The following ANXA11 variants were observed in gnomAD, a reference collection of about 807,000 sequenced individuals.
ANXA11 encodes 56 kDa autoantigen.
A neutral mutation model predicts 64.7 loss-of-function variants in ANXA11; 57 were observed. The observed-to-expected ratio is 0.88, with a 90% confidence interval of 0.71 to 1.10. The LOEUF (loss-of-function observed/expected upper bound fraction) is 1.10, where lower values mean the gene tolerates loss of function less well. Among genes scored for constraint, ANXA11 ranks in the 50% least tolerant of loss-of-function variants. The pLI, the probability that ANXA11 is intolerant of heterozygous loss-of-function variation, is 0.00. For synonymous variants in ANXA11, 260 were observed against 265.2 expected (o/e 0.98, Z 0.19); for missense variants, 675 against 670.7 (o/e 1.01, Z -0.07).
At chr10:80,164,607 T>C (rs1378577742) in intron 8 of ANXA11, among the ~76,000 whole-genome samples, 1 of 151,944 alleles carries the variant, frequency 6.6e-6, no homozygotes, top group African/African-American at 2.4e-5. Flanking sequence ...TAGGAAAAGG[T>C]AGGAACAACA....
At position 80,170,882 on chromosome 10, in the gene ANXA11, G is replaced by C. The variant is rs758548370; in HGVS notation, c.89C>G (p.Pro30Arg). The C allele has an allele frequency of 2.3e-4, 361 of 1,571,844 alleles. No individual in the cohort carries two copies. Among genetic ancestry groups the C allele is most frequent in the Non-Finnish European group, 2.7e-4 (318 of 1,160,450 alleles). The change falls in exon 4 of 16, where the codon CCT (proline) becomes CGT (arginine). Residue 30 changes from proline to arginine, a missense_variant. Coordinates refer to ENST00000422982, the MANE Select transcript of ANXA11 (RefSeq NM_145868.2). ...GGPWGGAAYPPPPSMPPIGLD... is the reference protein window; with the variant it reads ...GGPWGGAAYPRPPSMPPIGLD... ...CCCGATGGGGGGCATGCTGGGCGGA[G>C]GAGGGTAGGCAGCACCTCCCCAGGG...
At position 80,180,647 on chromosome 10, in the gene ANXA11, T is replaced by G. The variant is rs538224693; in HGVS notation, c.-57-4492A>C. On this transcript the variant is annotated intron_variant, in intron 1 of 15. Transcript: ENST00000422982. Reference sequence around the variant, plus strand: ...TGGAATATTGATTTGTATATTAGTTTTTTTTTTTTTTAACATTAGATCCTT... The same window carrying G: ...TGGAATATTGATTTGTATATTAGTTGTTTTTTTTTTTAACATTAGATCCTT... Among the ~76,000 whole-genome samples, 789 of 151,106 alleles carry G rather than the reference T, an allele frequency of 5.2e-3. 8 individuals are homozygous for G. Among genetic ancestry groups the G allele is most frequent in the African/African-American group, 0.018 (762 of 41,256 alleles).
At chr10:80,161,842 AG>A in intron 12 of ANXA11, 92 bp downstream of exon 12, 2 of 1,114,104 alleles carry the variant, frequency 1.8e-6, no homozygotes, top group Admixed American at 1.8e-5. Flanking sequence ...CCACGCAGGG[AG>A]GAACGACCAA....
rs563255503 is a variant in ANXA11, at chr10:80,197,508, A to G, written c.-58+7835T>C. Among the ~76,000 whole-genome samples the G allele has an allele frequency of 3.5e-4, 53 of 152,238 alleles. 1 individual carries two copies. The highest frequency in any genetic ancestry group is 3.1e-3 in the Admixed American group (47 of 15,296). On this transcript the variant is annotated intron_variant, in intron 1 of 15. Coordinates refer to ENST00000422982, the MANE Select transcript of ANXA11 (RefSeq NM_145868.2). ...AGGATATTACCAGCCACGGAGACCG[A>G]ACATCACCCCCACCTCAGTTCAGGG...
At chr10:80,193,563 G>A (rs978847636) in intron 1 of ANXA11, among the ~76,000 whole-genome samples, 3 of 152,026 alleles carry the variant, frequency 2.0e-5, no homozygotes, top group African/African-American at 7.2e-5. Flanking sequence ...CATTACTTCT[G>A]CCAGGCGCAA....
chr10:80,177,093 C>G (rs113464354), intron 1 of ANXA11, among the ~76,000 whole-genome samples: 2,326 of 151,946 alleles, frequency 0.015, 60 homozygotes, highest in African/African-American at 0.053. Flanking sequence ...AATTCTCCTG[C>G]CCTAGCCTCC....
chr10:80,159,282 G>T, intron 12 of ANXA11, 87 bp from the exon 13 acceptor site: 1 of 1,017,270 alleles, frequency 9.8e-7, no homozygotes, highest in Non-Finnish European at 1.5e-6. Context: ...CAGGACTTCA[G>T]AATATAACCG....
In ANXA11 at chr10:80,185,967, ATACTTCATTAAAGG is replaced by A. The variant is rs543749410; in HGVS notation, c.-57-9826_-57-9813del. Among the ~76,000 whole-genome samples, 639 of 152,310 alleles carry A rather than the reference ATACTTCATTAAAGG, an allele frequency of 4.2e-3. 3 individuals carry two copies. The highest frequency in any genetic ancestry group is 0.015 in the African/African-American group (603 of 41,556). ...GTTTCACTGTATGAAACTTCATTAC[ATACTTCATTAAAGG>A]TACTTCATTAAAGTACTTCATTAAA... On this transcript the variant is annotated intron_variant, in intron 1 of 15. Coordinates refer to ENST00000422982, the MANE Select transcript of ANXA11 (RefSeq NM_145868.2).
intron 1 of ANXA11, among the ~76,000 whole-genome samples, chr10:80,182,475 T>G (rs1846390665): frequency 6.6e-6 from 1 of 152,152 alleles, no homozygotes; most frequent in African/African-American, 2.4e-5. Context: ...GTATATATAT[T>G]TACATAAATA....
chr10:80,162,880 G>T (rs1845570896), intron 11 of ANXA11, among the ~76,000 whole-genome samples: 1 of 152,142 alleles, frequency 6.6e-6, no homozygotes, highest in Admixed American at 6.5e-5. Context: ...CAGATGCCTG[G>T]ACTTTGCTTG....
chr10:80,169,900 T>G (rs1396323667), intron 4 of ANXA11, among the ~76,000 whole-genome samples: 2 of 152,158 alleles, frequency 1.3e-5, no homozygotes, highest in African/African-American at 4.8e-5. Context: ...CTCCTCCCTG[T>G]CCCTGAGCAC....
chr10:80,166,702 C>T (rs1845753661), intron 7 of ANXA11, 188 bp downstream of exon 7: 1 of 600,860 alleles, frequency 1.7e-6, no homozygotes, highest in Non-Finnish European at 3.0e-6. Flanking sequence ...CTCAGCAAAC[C>T]TCAGCACCCG....
intron 1 of ANXA11, among the ~76,000 whole-genome samples, chr10:80,180,343 C>T (rs1457163692): frequency 6.6e-6 from 1 of 152,184 alleles, no homozygotes; most frequent in African/African-American, 2.4e-5. Flanking sequence ...TGCCTGACTT[C>T]AGGGATACAG....
In ANXA11 at chr10:80,152,756, C is replaced by T. The variant is rs1716412771; in HGVS notation, c.*3097G>A. 1 of 152,352 alleles carries T rather than the reference C, an allele frequency of 6.6e-6. No homozygotes were observed. The highest frequency in any genetic ancestry group is 2.1e-4 in the South Asian group (1 of 4,832). The allele number at this position is 152,352 out of a possible 1,614,324, so 9.4% of individuals were successfully genotyped here. On this transcript the variant is annotated 3_prime_UTR_variant, in exon 16 of 16. Coordinates refer to ENST00000422982, the MANE Select transcript of ANXA11 (RefSeq NM_145868.2). Reference sequence around the variant, plus strand: ...TGCCACCCCCATGCTTGCAGGTGCACTCCCTGGCTACAGGGTCAGCGGCTT... The same window carrying T: ...TGCCACCCCCATGCTTGCAGGTGCATTCCCTGGCTACAGGGTCAGCGGCTT...
intron 1 of ANXA11, among the ~76,000 whole-genome samples, chr10:80,190,165 G>A (rs1846709399): frequency 6.6e-6 from 1 of 152,220 alleles, no homozygotes; most frequent in African/African-American, 2.4e-5. Context: ...TTGGGAAGAT[G>A]AGAACCTTCT....
chr10:80,169,419 C>T lies in ANXA11; in HGVS notation c.172-61G>A, dbSNP rs546760749. On this transcript the variant is annotated intron_variant, in intron 4 of 15. Coordinates refer to ENST00000422982, the MANE Select transcript of ANXA11 (RefSeq NM_145868.2). Reference sequence around the variant, plus strand: ...GCCCTGCTGCACTCCGTCCCTCCACCCTTTTTCATACCTAAGCCAAGTCAG... The same window carrying T: ...GCCCTGCTGCACTCCGTCCCTCCACTCTTTTTCATACCTAAGCCAAGTCAG... 3.8e-6 allele frequency: 6 copies of T among 1,579,292 alleles called. No individual in the cohort carries two copies. In the East Asian group the frequency reaches 1.1e-4, roughly 30 times the overall value.
chr10:80,173,686 T>C (rs373901131), intron 2 of ANXA11, among the ~76,000 whole-genome samples: 4 of 152,360 alleles, frequency 2.6e-5, no homozygotes, highest in Middle Eastern at 3.4e-3. Flanking sequence ...TTGTGCAACC[T>C]GCCTGCTCTT....
In ANXA11 at chr10:80,166,056, A is replaced by G. The variant is rs753237512; in HGVS notation, c.858+28T>C. On this transcript the variant is annotated intron_variant, in intron 8 of 15. Coordinates refer to ENST00000422982, the MANE Select transcript of ANXA11 (RefSeq NM_145868.2). ...CACACACGCGCGCACACACACACAC[A>G]CACACACACACACACACACGTACAC... 1.9e-3 allele frequency: 2,318 copies of G among 1,208,456 alleles called. 46 individuals carry two copies. In the African/African-American group the frequency reaches 0.031, roughly 16 times the overall value. 74.9% of individuals were successfully genotyped at this position (1,208,456 alleles called of 1,614,324 possible). A position where few individuals can be genotyped will look rare whatever the true frequency, so the allele number is the denominator to read the frequency against.
chr10:80,187,590 C>T (rs574805066), intron 1 of ANXA11, among the ~76,000 whole-genome samples: 1 of 152,328 alleles, frequency 6.6e-6, no homozygotes, highest in South Asian at 2.1e-4. Context: ...CTCTCACACA[C>T]TCCCAAAAAG....
Sources: allele counts gnomAD v4.1 joint callset (sites outside exome capture counted in the v4.1 genomes callset), GRCh38; gene constraint gnomAD v4.1.1; transcripts MANE v1.5; gene names NCBI Gene and HGNC (gene_info 2026-07-23, HGNC 2026-07-21).